Variants in PTPN3 observed in about 807,000 individuals in gnomAD.
PTPN3 encodes the protein tyrosine-protein phosphatase non-receptor type 3.
In PTPN3, 96 loss-of-function variants were observed where a neutral mutation model predicts 132.7. The ratio of observed to expected loss-of-function variants is 0.72; its 90% CI spans 0.61 to 0.86. The LOEUF (loss-of-function observed/expected upper bound fraction) is 0.86, where lower values mean the gene tolerates loss of function less well. Among genes scored for constraint, PTPN3 ranks in the 40% least tolerant of loss-of-function variants. PTPN3 has a pLI of 0.00. For missense variants in PTPN3, 1,125 were observed against 1,159.6 expected, an observed-to-expected ratio of 0.97 and a Z score of 0.43; for synonymous variants, 398 against 429.0, an observed-to-expected ratio of 0.93 and a Z score of 0.89.
chr9:109,440,819 C>G (rs756276427), intron 7 of PTPN3, among the ~76,000 whole-genome samples: 1 of 152,216 alleles, frequency 6.6e-6, no homozygotes, highest in Non-Finnish European at 1.5e-5. Context: ...GAGCTTCGAA[C>G]ACAACCAATG....
chr9:109,459,121 C>G (rs1380818235), intron 2 of PTPN3, among the ~76,000 whole-genome samples: 1 of 152,236 alleles, frequency 6.6e-6, no homozygotes, highest in Non-Finnish European at 1.5e-5. Flanking sequence ...ATCTATTCTG[C>G]ATAATTCATC....
At chr9:109,438,047 A>C in intron 8 of PTPN3, 67 bp downstream of exon 8, 1 of 1,499,246 alleles carries the variant, frequency 6.7e-7, no homozygotes, top group Non-Finnish European at 9.0e-7. Context: ...CATCAAACAC[A>C]AAGGGATATG....
At chr9:109,437,081 C>T in intron 8 of PTPN3, 111 bp from the exon 9 acceptor site, 1 of 1,479,784 alleles carries the variant, frequency 6.8e-7, no homozygotes, top group Non-Finnish European at 9.0e-7. Flanking sequence ...TATTAAATGC[C>T]TTATGTTATC....
chr9:109,452,620 C>T (rs1845331955), intron 5 of PTPN3, among the ~76,000 whole-genome samples: 1 of 151,370 alleles, frequency 6.6e-6, no homozygotes. Flanking sequence ...GGCTGGAGTA[C>T]ATGGCTTGAT....
upstream of PTPN3, among the ~76,000 whole-genome samples, chr9:109,499,508 C>A (rs1411673454): frequency 6.6e-6 from 1 of 152,188 alleles, no homozygotes; most frequent in African/African-American, 2.4e-5. Context: ...GTATTTCCCT[C>A]CTAAATGTCA....
the PTPN3 span, among the ~76,000 whole-genome samples, chr9:109,535,382 G>C: frequency 6.6e-6 from 1 of 152,264 alleles, no homozygotes; most frequent in Admixed American, 6.5e-5. Context: ...TTATGTTCCT[G>C]CTTAAAAATC....
intron 10 of PTPN3, among the ~76,000 whole-genome samples, chr9:109,431,399 C>T (rs1843655879): frequency 6.6e-6 from 1 of 152,196 alleles, no homozygotes; most frequent in African/African-American, 2.4e-5. Flanking sequence ...TGGAGGAAGC[C>T]CCCGGCATCT....
chr9:109,444,943 T>C (rs1844746946), intron 7 of PTPN3, among the ~76,000 whole-genome samples: 1 of 152,210 alleles, frequency 6.6e-6, no homozygotes, highest in Non-Finnish European at 1.5e-5. Flanking sequence ...CTGAGCAAAG[T>C]TTCTGGAAAA....
intron 16 of PTPN3, among the ~76,000 whole-genome samples, chr9:109,409,571 A>T (rs749398974): frequency 1.3e-5 from 2 of 152,134 alleles, no homozygotes; most frequent in Non-Finnish European, 2.9e-5. Flanking sequence ...TCACGCCTGT[A>T]ATCCCGGCAC....
chr9:109,444,653 T>A (rs918128127), intron 7 of PTPN3, among the ~76,000 whole-genome samples: 8 of 152,262 alleles, frequency 5.3e-5, no homozygotes, highest in African/African-American at 1.9e-4. Context: ...TTACCTTTTT[T>A]AATGAGTGTA....
rs755689409 is a variant in PTPN3 at position 109,448,810 on chromosome 9, C to T, written c.413+1G>A. On this transcript the variant is annotated splice_donor_variant, in intron 6 of 25. Transcript: ENST00000374541. LOFTEE classifies it high-confidence loss of function. ...AAAGAAAAATGTAAAATTCTCATTA[C>T]CTTCCTTCGCAAATATCCATCTTCA... 3.8e-6 allele frequency: 6 copies of T among 1,596,014 alleles called. No individual in the cohort carries two copies. The East Asian group carries it at 1.3e-4, about 36-fold the overall frequency.
chr9:109,392,461 G>A (rs913565667), intron 19 of PTPN3: 2 of 151,874 alleles, frequency 1.3e-5, no homozygotes, highest in Non-Finnish European at 2.9e-5. Context: ...ACTCTGAGAT[G>A]TGCTTTTTGT....
intron 8 of PTPN3, among the ~76,000 whole-genome samples, 194 bp from the exon 9 acceptor site, chr9:109,437,164 T>A (rs1410013975): frequency 3.2e-5 from 1 of 30,890 alleles, no homozygotes. Context: ...TGACTCCCTC[T>A]AGACCCTCTT....
At chr9:109,420,254 G>A (rs563008431) in intron 14 of PTPN3, among the ~76,000 whole-genome samples, 170 bp downstream of exon 14, 43 of 152,174 alleles carry the variant, frequency 2.8e-4, no homozygotes, top group Non-Finnish European at 5.1e-4. Flanking sequence ...ACCGTCTTCC[G>A]GGTGAAAAGG....
the PTPN3 span, among the ~76,000 whole-genome samples, chr9:109,512,688 A>G: frequency 6.6e-6 from 1 of 152,238 alleles, no homozygotes; most frequent in African/African-American, 2.4e-5. Flanking sequence ...AAAATTGTTT[A>G]TCTATTTTTA....
At chr9:109,408,509 C>T (rs2036427175) in intron 16 of PTPN3, 132 bp from the exon 17 acceptor site, 1 of 583,778 alleles carries the variant, frequency 1.7e-6, no homozygotes, top group Admixed American at 3.2e-5. Flanking sequence ...TACAGGGAGG[C>T]TTCAAACTTC....
chr9:109,389,417 G>C (rs1361037808), intron 21 of PTPN3, 38 bp from the exon 22 acceptor site: 1 of 1,588,880 alleles, frequency 6.3e-7, no homozygotes, highest in Admixed American at 1.7e-5. Flanking sequence ...ATCTGTTGCT[G>C]CCCCAGGGTG....
chr9:109,390,878 T>C (rs377406535), intron 21 of PTPN3, among the ~76,000 whole-genome samples: 18 of 152,174 alleles, frequency 1.2e-4, no homozygotes, highest in South Asian at 4.1e-4. Flanking sequence ...ATGTGGACGA[T>C]TGAATTAGAA....
At chr9:109,395,019 A>T (rs1463358198) in intron 19 of PTPN3, among the ~76,000 whole-genome samples, 2 of 152,048 alleles carry the variant, frequency 1.3e-5, no homozygotes, top group African/African-American at 4.8e-5. Flanking sequence ...AGGCGCCTGT[A>T]GTCCCAGCTA....
Sources: gnomAD v4.1 joint callset for allele counts (sites outside exome capture counted in the v4.1 genomes callset) on GRCh38, gnomAD v4.1.1 for gene constraint, MANE v1.5 for transcripts, NCBI Gene and HGNC (gene_info 2026-07-23, HGNC 2026-07-21) for gene names.